Variants in POLA1 observed in about 807,000 individuals in gnomAD.
POLA1 encodes DNA polymerase alpha catalytic subunit.
Under a neutral mutation model 124.0 loss-of-function variants are expected in POLA1, and 15 were observed. That is an observed-to-expected ratio of 0.12 (90% CI 0.08 to 0.19). The LOEUF is 0.19. POLA1 is among the 10% of genes least tolerant of loss of function. The probability of loss-of-function intolerance (pLI) is 1.00; values close to 1 mark genes in which losing one functional copy is unlikely to be tolerated. For missense variants in POLA1, 886 were observed against 1,103.4 expected, an observed-to-expected ratio of 0.80 and a Z score of 2.79; for synonymous variants, 408 against 389.4, an observed-to-expected ratio of 1.05 and a Z score of -0.56.
At chrX:24,834,831 T>TTA (rs755453731) in intron 32 of POLA1, among the ~76,000 whole-genome samples, 69 of 108,406 alleles carry the variant, frequency 6.4e-4, no homozygotes, top group East Asian at 1.1e-3. Flanking sequence ...AAAATGTATA[T>TTA]TATATATATA....
rs72623016 is a variant in POLA1, at chrX:24,776,046, A to G, written c.2964+27054A>G. The stretch of plus-strand genomic sequence containing the variant: ...CACTGTAGCATTTAGAAAGTACTGA[A>G]TCATTATGTAAGAAAATGACTCTCT... On this transcript the variant is annotated intron_variant, in intron 26 of 36. Coordinates refer to ENST00000379068, the MANE Select transcript of POLA1 (RefSeq NM_001330360.2). Among the ~76,000 whole-genome samples the G allele has an allele frequency of 6.8e-4, 76 of 111,991 alleles. 1 individual carries two copies. In the East Asian group the frequency reaches 0.016, roughly 24 times the overall value.
At chrX:24,894,147 G>A (rs745691626) in intron 35 of POLA1, among the ~76,000 whole-genome samples, 2 of 111,690 alleles carry the variant, frequency 1.8e-5, no homozygotes, top group Non-Finnish European at 3.8e-5. Context: ...ATAAATTGAG[G>A]AGCCCAAAAC....
intron 36 of POLA1, among the ~76,000 whole-genome samples, chrX:24,976,040 A>C (rs1176345242): frequency 8.9e-6 from 1 of 112,581 alleles, no homozygotes; most frequent in East Asian, 2.8e-4. Flanking sequence ...CTACTATACC[A>C]CAGGTGTGTT....
intron 34 of POLA1, among the ~76,000 whole-genome samples, chrX:24,884,109 A>G (rs2047035777): frequency 9.0e-6 from 1 of 111,681 alleles, no homozygotes. Context: ...TTGCATCATC[A>G]TGGAATATTT....
At chrX:24,884,488 T>C (rs916478087) in intron 34 of POLA1, among the ~76,000 whole-genome samples, 7 of 112,113 alleles carry the variant, frequency 6.2e-5, no homozygotes, top group African/African-American at 2.3e-4. Context: ...CCTTGAAGGT[T>C]AGATTTAGCT....
At chrX:24,995,682 G>A in intron 36 of POLA1, 123 bp from the exon 37 acceptor site, 1 of 612,132 alleles carries the variant, frequency 1.6e-6, no homozygotes, top group African/African-American at 2.2e-5. Flanking sequence ...CTGGCCCCAG[G>A]GGTAGACCAG....
At chrX:24,850,463 C>T (rs1016847327) in intron 34 of POLA1, among the ~76,000 whole-genome samples, 13 of 112,266 alleles carry the variant, frequency 1.2e-4, no homozygotes, top group Non-Finnish European at 1.9e-4. Context: ...TTTTATCCTT[C>T]GTAGAATAAC....
chrX:24,905,098 T>C (rs1324172850), intron 35 of POLA1, among the ~76,000 whole-genome samples: 1 of 105,749 alleles, frequency 9.5e-6, no homozygotes, highest in Non-Finnish European at 1.9e-5. Context: ...CTAATCAACA[T>C]ACCAAAGACA....
At chrX:24,711,576 G>T (rs939462363) in intron 4 of POLA1, among the ~76,000 whole-genome samples, 4 of 111,954 alleles carry the variant, frequency 3.6e-5, no homozygotes, top group African/African-American at 1.3e-4. Flanking sequence ...AAGTGGGATT[G>T]CTGGCTCAAA....
chrX:24,876,413 C>T (rs930508498), intron 34 of POLA1, among the ~76,000 whole-genome samples: 2 of 111,139 alleles, frequency 1.8e-5, no homozygotes, highest in African/African-American at 6.5e-5. Context: ...TCTGCAAAGC[C>T]AAATAGTTTT....
chrX:24,783,177 G>A (rs1427508262), intron 26 of POLA1, among the ~76,000 whole-genome samples: 1 of 111,031 alleles, frequency 9.0e-6, no homozygotes, highest in Non-Finnish European at 1.9e-5. Context: ...TTAAGACCCA[G>A]TGATAGCCAT....
chrX:24,734,773 G>A (rs914879554), intron 17 of POLA1, among the ~76,000 whole-genome samples: 5 of 110,614 alleles, frequency 4.5e-5, no homozygotes, highest in African/African-American at 6.6e-5. Context: ...GTGGCACCAC[G>A]CCCAGCTAAT....
chrX:24,934,645 G>A (rs2047825861), intron 36 of POLA1, among the ~76,000 whole-genome samples: 1 of 112,336 alleles, frequency 8.9e-6, no homozygotes, highest in African/African-American at 3.2e-5. Flanking sequence ...AAGTACCATG[G>A]ATGGGGTGGC....
intron 24 of POLA1, 27 bp from the exon 25 acceptor site, chrX:24,748,284 G>A: frequency 8.9e-7 from 1 of 1,124,734 alleles, no homozygotes. Context: ...AGTTTGATTT[G>A]TGTGAAATTT....
intron 26 of POLA1, among the ~76,000 whole-genome samples, chrX:24,754,550 C>T (rs181244800): frequency 6.5e-4 from 72 of 111,578 alleles, no homozygotes; most frequent in African/African-American, 2.0e-3. Context: ...CACCGCACCC[C>T]GCTGTGATCT....
chrX:24,860,800 G>A (rs2046705982), intron 34 of POLA1, among the ~76,000 whole-genome samples: 1 of 111,865 alleles, frequency 8.9e-6, no homozygotes, highest in South Asian at 3.8e-4. Flanking sequence ...TTGGAACCTT[G>A]TAAAAGACAA....
intron 36 of POLA1, among the ~76,000 whole-genome samples, chrX:24,947,485 G>A (rs1212238377): frequency 3.7e-5 from 4 of 108,196 alleles, no homozygotes; most frequent in Non-Finnish European, 5.7e-5. Context: ...TGCTCAAGTT[G>A]GTCTGCAACT....
chrX:24,832,296 T>G (rs1032698313), intron 32 of POLA1, among the ~76,000 whole-genome samples: 1 of 111,138 alleles, frequency 9.0e-6, no homozygotes, highest in Non-Finnish European at 1.9e-5. Flanking sequence ...CAAAGCACTT[T>G]AGGGAATTCA....
chrX:24,909,455 G>A (rs1487635974), intron 35 of POLA1, among the ~76,000 whole-genome samples: 2 of 111,475 alleles, frequency 1.8e-5, no homozygotes, highest in South Asian at 3.8e-4. Flanking sequence ...TCTACATATG[G>A]CTAGCCAGTT....
Sources: allele counts gnomAD v4.1 joint callset (sites outside exome capture counted in the v4.1 genomes callset), GRCh38; gene constraint gnomAD v4.1.1; transcripts MANE v1.5; gene names NCBI Gene and HGNC (gene_info 2026-07-23, HGNC 2026-07-21).